Variants in DHRSX observed in about 807,000 individuals in gnomAD.
DHRSX encodes the protein dehydrogenase/reductase X-linked.
Under a neutral mutation model 34.0 loss-of-function variants are expected in DHRSX, and 31 were observed. That is an observed-to-expected ratio of 0.91 (90% CI 0.69 to 1.23). DHRSX has a LOEUF of 1.23. Ranked by LOEUF, DHRSX falls within the 50% of genes most tolerant of loss-of-function variation. The pLI is 0.00. For synonymous variants in DHRSX, 201 were observed against 183.8 expected, an observed-to-expected ratio of 1.09 and a Z score of -0.76; for missense variants, 414 against 428.1, an observed-to-expected ratio of 0.97 and a Z score of 0.29.
chrX:2,416,793 G>A lies in DHRSX; in HGVS notation c.218-7980C>T, dbSNP rs184922311. On this transcript the variant is annotated intron_variant, in intron 2 of 6. Transcript: ENST00000334651. ...GATATATGTGTCTAGTAATATTAAT[G>A]TGCTTCAGTTGGACCCAGGTTATAA... Among the ~76,000 whole-genome samples the A allele has an allele frequency of 3.8e-4, 58 of 152,222 alleles. No individual in the cohort carries two copies. The East Asian group carries it at 9.6e-3, about 25-fold the overall frequency.
At chrX:2,405,361 G>A (rs1265256215) in intron 3 of DHRSX, among the ~76,000 whole-genome samples, 6 of 151,892 alleles carry the variant, frequency 4.0e-5, no homozygotes, top group African/African-American at 7.3e-5. Context: ...GTGGGTGGGC[G>A]CCTGTAATCC....
At chrX:2,233,927 G>A (rs746618218) in intron 6 of DHRSX, among the ~76,000 whole-genome samples, 2 of 152,180 alleles carry the variant, frequency 1.3e-5, no homozygotes, top group Non-Finnish European at 2.9e-5. Context: ...ATATTCTGTC[G>A]GCAATGTTCA....
chrX:2,415,896 G>A (rs1465752233), intron 2 of DHRSX, among the ~76,000 whole-genome samples: 1 of 148,276 alleles, frequency 6.7e-6, no homozygotes, highest in East Asian at 2.0e-4. Flanking sequence ...ATCTCCTCAT[G>A]ACCAATCTAA....
chrX:2,245,976 AAC>A (rs2016271736), intron 5 of DHRSX, among the ~76,000 whole-genome samples: 5 of 149,770 alleles, frequency 3.3e-5, no homozygotes, highest in Admixed American at 2.0e-4. Context: ...AAAACAAAAA[AAC>A]AAAAAAACAC....
At chrX:2,244,243 G>T (rs2016225084) in intron 5 of DHRSX, among the ~76,000 whole-genome samples, 1 of 152,020 alleles carries the variant, frequency 6.6e-6, no homozygotes, top group African/African-American at 2.4e-5. Context: ...AAATGTTTTA[G>T]TATCACAGGA....
intron 3 of DHRSX, among the ~76,000 whole-genome samples, chrX:2,408,429 C>A (rs2043585955): frequency 6.6e-6 from 1 of 152,074 alleles, no homozygotes; most frequent in Admixed American, 6.6e-5. Flanking sequence ...TGGCATGTGC[C>A]CTGGAGGTCA....
chrX:2,228,843 A>C (rs2015798476), intron 6 of DHRSX, among the ~76,000 whole-genome samples: 1 of 152,110 alleles, frequency 6.6e-6, no homozygotes, highest in Admixed American at 6.6e-5. Context: ...TCCACACTTA[A>C]CTTGTATTAG....
At position 2,397,762 on chromosome X, in the gene DHRSX, G is replaced by C. The variant is rs191686582; in HGVS notation, c.286+10983C>G. ...AACTTGTAAAACAACCCCAGTCCTCGTTACGGGCGGGATGGAAAAATGTGA... is the reference window on the plus strand; with the variant it reads ...AACTTGTAAAACAACCCCAGTCCTCCTTACGGGCGGGATGGAAAAATGTGA... On this transcript the variant is annotated intron_variant, in intron 3 of 6. Transcript: ENST00000334651. Among the ~76,000 whole-genome samples the C allele has an allele frequency of 8.5e-5, 13 of 152,146 alleles. No homozygotes were observed. In the South Asian group the frequency reaches 1.2e-3, roughly 15 times the overall value.
chrX:2,389,382 G>T (rs781093066), intron 3 of DHRSX, among the ~76,000 whole-genome samples: 1 of 151,990 alleles, frequency 6.6e-6, no homozygotes, highest in Non-Finnish European at 1.5e-5. Context: ...CCTGAATCCA[G>T]ACTCTGTTTT....
chrX:2,413,686 A>G (rs1447829374), intron 2 of DHRSX, among the ~76,000 whole-genome samples: 1 of 152,210 alleles, frequency 6.6e-6, no homozygotes, highest in Non-Finnish European at 1.5e-5. Flanking sequence ...GACAGTTGCA[A>G]TTTAGATAAC....
intron 3 of DHRSX, among the ~76,000 whole-genome samples, chrX:2,374,176 C>A (rs1157309384): frequency 6.6e-6 from 1 of 152,148 alleles, no homozygotes; most frequent in African/African-American, 2.4e-5. Context: ...CTCATATGAT[C>A]CTTCTGTCTC....
intron 3 of DHRSX, among the ~76,000 whole-genome samples, chrX:2,298,620 A>ACACACACACACGCACGCACACGCACGCG (rs2041970391): frequency 2.1e-5 from 3 of 143,156 alleles, no homozygotes; most frequent in Admixed American, 6.7e-5. Flanking sequence ...ACACACACAC[A>ACACACACACACGCACGCACACGCACGCG]CACACACACA....
chrX:2,453,170 C>T (rs751807169), intron 1 of DHRSX, among the ~76,000 whole-genome samples: 1 of 152,066 alleles, frequency 6.6e-6, no homozygotes, highest in Non-Finnish European at 1.5e-5. Flanking sequence ...AAAAGCTGAA[C>T]ACATAAATGC....
chrX:2,267,450 CAGG>C (rs972456126), intron 4 of DHRSX, among the ~76,000 whole-genome samples: 18 of 150,850 alleles, frequency 1.2e-4, no homozygotes, highest in African/African-American at 4.4e-4. Flanking sequence ...GAGGCTGAGG[CAGG>C]AGAATTGCTT....
chrX:2,311,867 A>G (rs1470979895), intron 3 of DHRSX, among the ~76,000 whole-genome samples: 1 of 152,136 alleles, frequency 6.6e-6, no homozygotes, highest in African/African-American at 2.4e-5. Context: ...TTATACATCA[A>G]AAAGAAGTTA....
At chrX:2,321,975 T>C (rs1449640435) in intron 3 of DHRSX, among the ~76,000 whole-genome samples, 1 of 151,012 alleles carries the variant, frequency 6.6e-6, no homozygotes, top group Non-Finnish European at 1.5e-5. Context: ...TCCTTTTTTG[T>C]TTTTAATTAT....
At chrX:2,463,996 A>AT (rs2124688063) in intron 1 of DHRSX, among the ~76,000 whole-genome samples, 1 of 152,200 alleles carries the variant, frequency 6.6e-6, no homozygotes, top group Non-Finnish European at 1.5e-5. Flanking sequence ...CACTGAAGAC[A>AT]TTCGCTAAGA....
chrX:2,303,793 G>GTGGATGGATGGA (rs1569485711), intron 3 of DHRSX, among the ~76,000 whole-genome samples: 14 of 35,850 alleles, frequency 3.9e-4, no homozygotes, highest in African/African-American at 8.3e-4. Flanking sequence ...GGATGGATGG[G>GTGGATGGATGGA]TGGGTGGGTG....
At chrX:2,283,446 G>A (rs185107219) in intron 4 of DHRSX, among the ~76,000 whole-genome samples, 74 of 152,234 alleles carry the variant, frequency 4.9e-4, no homozygotes, top group African/African-American at 1.7e-3. Flanking sequence ...TCAAGGATCC[G>A]CTGACGAATG....
Sources: gnomAD v4.1 joint callset for allele counts (sites outside exome capture counted in the v4.1 genomes callset) on GRCh38, gnomAD v4.1.1 for gene constraint, MANE v1.5 for transcripts, NCBI Gene and HGNC (gene_info 2026-07-23, HGNC 2026-07-21) for gene names.